The following NHEJ1 variants were observed in gnomAD, a reference collection of about 807,000 sequenced individuals.
NHEJ1 encodes non-homologous end joining factor 1, also known as non-homologous end-joining factor 1.
Under a neutral mutation model 39.4 loss-of-function variants are expected in NHEJ1, and 22 were observed. The ratio of observed to expected loss-of-function variants is 0.56; its 90% CI spans 0.40 to 0.80. The LOEUF (loss-of-function observed/expected upper bound fraction) is 0.80. Ranked by LOEUF, NHEJ1 falls within the 30% of genes least tolerant of loss-of-function variation. NHEJ1 has a pLI of 0.00. For synonymous variants in NHEJ1, 154 were observed against 135.6 expected, an observed-to-expected ratio of 1.14 and a Z score of -0.94; for missense variants, 329 against 357.1, an observed-to-expected ratio of 0.92 and a Z score of 0.63.
intron 5 of NHEJ1, among the ~76,000 whole-genome samples, chr2:219,096,806 A>G (rs1187624564): frequency 1.3e-5 from 2 of 152,184 alleles, no homozygotes; most frequent in Non-Finnish European, 2.9e-5. Flanking sequence ...AAAGGTGGTA[A>G]GAGATGAGGT....
intron 3 of NHEJ1, among the ~76,000 whole-genome samples, chr2:219,151,127 CAA>C (rs59576120): frequency 7.0e-4 from 39 of 55,988 alleles, no homozygotes; most frequent in South Asian, 1.2e-3. Context: ...GACCTTATCT[CAA>C]AAAAAAAAAA....
Position 219,087,518 on chromosome 2 carries a change from C to T in NHEJ1, c.589-9312G>A, listed in dbSNP as rs1231282344. ...GGATTCTCTTTCACTCCAGATTACA[C>T]GCTTGACAGCTGGGAACACAGCCCA... On this transcript the variant is annotated intron_variant, in intron 5 of 7. Transcript: ENST00000356853. Among the ~76,000 whole-genome samples the T allele has an allele frequency of 3.9e-5, 6 of 152,264 alleles. No individual in the cohort carries two copies. In the East Asian group the frequency reaches 5.8e-4, roughly 15 times the overall value.
intron 7 of NHEJ1, 36 bp from the exon 8 acceptor site, chr2:219,076,491 G>T: frequency 6.5e-7 from 1 of 1,534,412 alleles, no homozygotes; most frequent in Non-Finnish European, 8.9e-7. Flanking sequence ...TAGGGGTTTT[G>T]AAATAGTTCC....
intron 3 of NHEJ1, among the ~76,000 whole-genome samples, chr2:219,156,456 T>G (rs1303665122): frequency 6.6e-6 from 1 of 152,182 alleles, no homozygotes; most frequent in East Asian, 1.9e-4. Context: ...GTCCCCTAAG[T>G]GCTACTGACT....
At chr2:219,152,786 TA>T (rs1949809220) in intron 3 of NHEJ1, among the ~76,000 whole-genome samples, 1 of 36,314 alleles carries the variant, frequency 2.8e-5, no homozygotes, top group Non-Finnish European at 1.3e-4. Flanking sequence ...TTTATTTATT[TA>T]TTTTTATTTA....
rs142143860 is a variant in NHEJ1 at position 219,077,324 on chromosome 2, G to T, written c.747C>A (p.Ile249=). ...CTGGCTGGTTTACACATTGGCTATC[G>T]ATTCCTTGCAGGGAAGCACTGTTTG... ...HTSNSASLQG[I]DSQCVNQPEQ... Residue 249 remains isoleucine (I), a synonymous_variant, in exon 7 of 8, where the codon ATC becomes ATA. Transcript: ENST00000356853. 6.2e-7 allele frequency: 1 copy of T among 1,614,086 alleles called. No individual in the cohort carries two copies. The highest frequency in any genetic ancestry group is 1.1e-5 in the South Asian group (1 of 91,070).
At chr2:219,124,936 C>A (rs1303894415) in intron 5 of NHEJ1, among the ~76,000 whole-genome samples, 13 of 152,120 alleles carry the variant, frequency 8.5e-5, no homozygotes, top group Admixed American at 4.6e-4. Context: ...CTGCCTTCAA[C>A]TGAGGGGCCC....
chr2:219,092,664 G>A (rs556855618), intron 5 of NHEJ1, among the ~76,000 whole-genome samples: 1 of 152,242 alleles, frequency 6.6e-6, no homozygotes, highest in Admixed American at 6.5e-5. Flanking sequence ...CTGAACTCAC[G>A]AACCCAGGGT....
At chr2:219,135,474 T>C (rs1949618617) in intron 5 of NHEJ1, among the ~76,000 whole-genome samples, 1 of 152,096 alleles carries the variant, frequency 6.6e-6, no homozygotes, top group Non-Finnish European at 1.5e-5. Context: ...CCAGGCGTGG[T>C]GGCAGGTGCC....
intron 1 of NHEJ1, among the ~76,000 whole-genome samples, chr2:219,159,538 C>CATATATATGCATATAT (rs1559206137): frequency 2.0e-5 from 1 of 50,276 alleles, no homozygotes; most frequent in Non-Finnish European, 3.7e-5. Context: ...TATATATATG[C>CATATATATGCATATAT]ATATATATAT....
At chr2:219,124,076 C>T (rs1323067038) in intron 5 of NHEJ1, among the ~76,000 whole-genome samples, 1 of 152,164 alleles carries the variant, frequency 6.6e-6, no homozygotes, top group African/African-American at 2.4e-5. Flanking sequence ...CCTGGGTAAA[C>T]CTCAAAGACT....
chr2:219,143,605 TG>T (rs2106359452), intron 5 of NHEJ1, among the ~76,000 whole-genome samples: 1 of 152,308 alleles, frequency 6.6e-6, no homozygotes, highest in South Asian at 2.1e-4. Flanking sequence ...AATAGAAAGC[TG>T]TAACTACAAC....
intron 3 of NHEJ1, among the ~76,000 whole-genome samples, chr2:219,150,437 G>A (rs528521969): frequency 1.3e-5 from 2 of 152,310 alleles, no homozygotes; most frequent in Non-Finnish European, 2.9e-5. Flanking sequence ...CCTCTAGGAA[G>A]TACTGTTCAG....
chr2:219,084,753 C>G (rs546238124), intron 5 of NHEJ1, among the ~76,000 whole-genome samples: 6 of 152,260 alleles, frequency 3.9e-5, no homozygotes, highest in Admixed American at 1.3e-4. Flanking sequence ...CCCAAAATAG[C>G]CCCTGCTTCT....
At chr2:219,116,729 G>A (rs973900276) in intron 5 of NHEJ1, among the ~76,000 whole-genome samples, 1 of 152,164 alleles carries the variant, frequency 6.6e-6, no homozygotes, top group African/African-American at 2.4e-5. Flanking sequence ...ATGAGAACAA[G>A]CAGAAAGAAA....
intron 5 of NHEJ1, among the ~76,000 whole-genome samples, chr2:219,113,143 C>T (rs1297572695): frequency 6.6e-6 from 1 of 152,194 alleles, no homozygotes; most frequent in African/African-American, 2.4e-5. Context: ...CAGCATCTCT[C>T]GACTCTGCTT....
At chr2:219,131,994 C>T (rs1949583257) in intron 5 of NHEJ1, among the ~76,000 whole-genome samples, 1 of 152,176 alleles carries the variant, frequency 6.6e-6, no homozygotes, top group Non-Finnish European at 1.5e-5. Context: ...CCAAATTCCA[C>T]AATTGTTTGT....
rs1948976164 is a variant in NHEJ1, at chr2:219,073,012, G to C, written c.*3369C>G. On this transcript the variant is annotated 3_prime_UTR_variant, in exon 8 of 8. Coordinates refer to ENST00000356853, the MANE Select transcript of NHEJ1 (RefSeq NM_024782.3). ...AGGAGGTAAGGGCTTGGGAAAATGG[G>C]AGGTCTAAGTGAAAAGGAAGGAAAG... Among the ~76,000 whole-genome samples, 1 of 152,160 alleles carries C rather than the reference G, an allele frequency of 6.6e-6. No individual in the cohort carries two copies. The highest frequency in any genetic ancestry group is 1.5e-5 in the Non-Finnish European group (1 of 68,036).
intron 5 of NHEJ1, among the ~76,000 whole-genome samples, chr2:219,103,304 C>T (rs1333061187): frequency 6.6e-6 from 1 of 151,242 alleles, no homozygotes; most frequent in Non-Finnish European, 1.5e-5. Flanking sequence ...GAGACAGAGT[C>T]TTGCTCTGTC....
Sources: gnomAD v4.1 joint callset for allele counts (sites outside exome capture counted in the v4.1 genomes callset) on GRCh38, gnomAD v4.1.1 for gene constraint, MANE v1.5 for transcripts, NCBI Gene and HGNC (gene_info 2026-07-23, HGNC 2026-07-21) for gene names.